TMEM114: variants seen among roughly 807,000 people sequenced by gnomAD.
TMEM114 encodes the protein transmembrane protein 114.
A neutral mutation model predicts 6.2 loss-of-function variants in TMEM114; 6 were observed. That is an observed-to-expected ratio of 0.97 (90% CI 0.53 to 1.91). The LOEUF is 1.91. Ranked by LOEUF, TMEM114 falls within the 40% of genes most tolerant of loss-of-function variation. The pLI is 0.01. For synonymous variants in TMEM114, 104 were observed against 73.0 expected, an observed-to-expected ratio of 1.42 and a Z score of -2.16; for missense variants, 218 against 158.3, an observed-to-expected ratio of 1.38 and a Z score of -2.02.
chr16:8,531,084 G>A, the TMEM114 span, among the ~76,000 whole-genome samples: 1 of 152,014 alleles, frequency 6.6e-6, no homozygotes, highest in Non-Finnish European at 1.5e-5. Flanking sequence ...AAAAAGGGAG[G>A]CCCATTGCAG....
At chr16:8,575,930 A>C (rs1231516436) in intron 2 of TMEM114, among the ~76,000 whole-genome samples, 1 of 152,162 alleles carries the variant, frequency 6.6e-6, no homozygotes, top group Non-Finnish European at 1.5e-5. Flanking sequence ...ATTCATCAAC[A>C]AGCCTCTAAT....
downstream of TMEM114, among the ~76,000 whole-genome samples, chr16:8,564,685 G>GGGAGGGAGGGAA (rs1901462680): frequency 6.1e-5 from 1 of 16,306 alleles, no homozygotes. Flanking sequence ...GAGTGAATGA[G>GGGAGGGAGGGAA]TGAGTGAATG....
chr16:8,551,001 C>A (rs1015178961), intron 2 of TMEM114, among the ~76,000 whole-genome samples: 2 of 152,186 alleles, frequency 1.3e-5, no homozygotes, highest in South Asian at 2.1e-4. Context: ...ATGGTTCTAA[C>A]CCTAAACGAG....
At chr16:8,540,469 A>G (rs548849932) in intron 2 of TMEM114, among the ~76,000 whole-genome samples, 1 of 152,350 alleles carries the variant, frequency 6.6e-6, no homozygotes, top group East Asian at 1.9e-4. Context: ...AATGCAAGTA[A>G]AATAGCTGGT....
intron 2 of TMEM114, among the ~76,000 whole-genome samples, chr16:8,554,500 C>T (rs992129182): frequency 2.6e-5 from 4 of 152,154 alleles, no homozygotes; most frequent in Middle Eastern, 3.2e-3. Context: ...CACTTATCTC[C>T]ATTTGGAATC....
intron 2 of TMEM114, among the ~76,000 whole-genome samples, chr16:8,585,732 C>T (rs1394241439): frequency 6.6e-6 from 1 of 152,132 alleles, no homozygotes; most frequent in South Asian, 2.1e-4. Flanking sequence ...ATAATAGCAG[C>T]TACCACTTAC....
chr16:8,584,394 C>A (rs1432594556), intron 2 of TMEM114, among the ~76,000 whole-genome samples: 1 of 152,142 alleles, frequency 6.6e-6, no homozygotes, highest in Admixed American at 6.5e-5. Context: ...CAGTCCCTAG[C>A]CCAAGAAACA....
chr16:8,536,146 A>G (rs897600781), downstream of TMEM114, among the ~76,000 whole-genome samples: 43 of 151,392 alleles, frequency 2.8e-4, no homozygotes, highest in African/African-American at 1.0e-3. Flanking sequence ...AATCACTTGA[A>G]CCTGGGAGGC....
At chr16:8,538,782 A>T (rs562750384) in intron 2 of TMEM114, among the ~76,000 whole-genome samples, 10 of 152,314 alleles carry the variant, frequency 6.6e-5, no homozygotes, top group Admixed American at 4.6e-4. Flanking sequence ...CTGGGATTAC[A>T]GGTGTGAGCC....
intron 2 of TMEM114, among the ~76,000 whole-genome samples, chr16:8,578,189 C>T (rs1683452673): frequency 6.6e-6 from 1 of 152,116 alleles, no homozygotes; most frequent in African/African-American, 2.4e-5. Flanking sequence ...TTCCTGTGGC[C>T]ACTGTAACAC....
intron 2 of TMEM114, among the ~76,000 whole-genome samples, chr16:8,583,047 G>C (rs530950131): frequency 9.2e-5 from 14 of 152,182 alleles, no homozygotes; most frequent in Non-Finnish European, 1.9e-4. Context: ...TATCATACCT[G>C]ACTTCTCTAT....
intron 2 of TMEM114, among the ~76,000 whole-genome samples, chr16:8,544,503 C>T (rs1179359808): frequency 1.3e-5 from 2 of 152,178 alleles, no homozygotes; most frequent in African/African-American, 4.8e-5. Flanking sequence ...TTAAGAACGT[C>T]AAGTGACTTG....
At chr16:8,556,205 C>G (rs1407521015) in intron 2 of TMEM114, among the ~76,000 whole-genome samples, 1 of 152,048 alleles carries the variant, frequency 6.6e-6, no homozygotes, top group African/African-American at 2.4e-5. Context: ...CCCACATTCT[C>G]TCATCTACAC....
chr16:8,565,045 ATGAGTGAG>A (rs141124432), downstream of TMEM114, among the ~76,000 whole-genome samples: 1 of 108,410 alleles, frequency 9.2e-6, no homozygotes, highest in Non-Finnish European at 2.1e-5. Context: ...GAGTGAGTGA[ATGAGTGAG>A]TGAGTGAGTG....
the TMEM114 span, among the ~76,000 whole-genome samples, chr16:8,526,881 C>A: frequency 6.6e-6 from 1 of 152,174 alleles, no homozygotes; most frequent in African/African-American, 2.4e-5. Context: ...GAACATTTTC[C>A]TGCTACCAAC....
chr16:8,550,866 A>G (rs961716123), intron 2 of TMEM114, among the ~76,000 whole-genome samples: 4 of 152,164 alleles, frequency 2.6e-5, no homozygotes, highest in African/African-American at 9.7e-5. Context: ...AACCCACAGG[A>G]TAGAACATCC....
At chr16:8,531,384 T>G in the TMEM114 span, among the ~76,000 whole-genome samples, 6 of 152,150 alleles carry the variant, frequency 3.9e-5, no homozygotes, top group African/African-American at 7.2e-5. Context: ...TCCAACCCCC[T>G]CCTTGGAACA....
At chr16:8,538,219 C>T (rs1215343015) in intron 2 of TMEM114, among the ~76,000 whole-genome samples, 1 of 149,464 alleles carries the variant, frequency 6.7e-6, no homozygotes, top group Non-Finnish European at 1.5e-5. Flanking sequence ...GTAGGAGGAT[C>T]ACTGGAGCCT....
intron 2 of TMEM114, among the ~76,000 whole-genome samples, chr16:8,561,976 GT>G (rs1421326482): frequency 1.3e-5 from 2 of 151,410 alleles, no homozygotes; most frequent in African/African-American, 4.9e-5. Context: ...GAATGAGTGA[GT>G]GAATGAGTGA....
Sources: gnomAD v4.1 joint callset for allele counts (sites outside exome capture counted in the v4.1 genomes callset) on GRCh38, gnomAD v4.1.1 for gene constraint, MANE v1.5 for transcripts, NCBI Gene and HGNC (gene_info 2026-07-23, HGNC 2026-07-21) for gene names.